LRBA: variants seen among roughly 807,000 people sequenced by gnomAD.
The protein encoded by LRBA is lipopolysaccharide-responsive and beige-like anchor protein.
Under a neutral mutation model 330.0 loss-of-function variants are expected in LRBA, and 176 were observed. The ratio of observed to expected loss-of-function variants is 0.53; its 90% CI spans 0.47 to 0.60. LRBA has a LOEUF of 0.60. Ranked by LOEUF, LRBA falls within the 20% of genes least tolerant of loss-of-function variation. The pLI, the probability that LRBA is intolerant of heterozygous loss-of-function variation, is 0.00. For synonymous variants in LRBA, 1,230 were observed against 1,193.0 expected, an observed-to-expected ratio of 1.03 and a Z score of -0.64; for missense variants, 3,259 against 3,444.8, an observed-to-expected ratio of 0.95 and a Z score of 1.35.
At chr4:151,008,513 C>T (rs1744395615) in intron 2 of LRBA, among the ~76,000 whole-genome samples, 1 of 151,780 alleles carries the variant, frequency 6.6e-6, no homozygotes, top group Non-Finnish European at 1.5e-5. Context: ...CTGTGGAACC[C>T]AGTGATATAA....
chr4:150,824,245 G>T (rs934181004), intron 30 of LRBA, among the ~76,000 whole-genome samples: 1 of 152,056 alleles, frequency 6.6e-6, no homozygotes, highest in Non-Finnish European at 1.5e-5. Flanking sequence ...ATATAGAAAT[G>T]ATACTAATTT....
At chr4:150,406,884 G>A (rs1425092647) in intron 47 of LRBA, among the ~76,000 whole-genome samples, 2 of 152,050 alleles carry the variant, frequency 1.3e-5, no homozygotes, top group African/African-American at 4.8e-5. Context: ...AGGTTCAAGC[G>A]ATCCTCCTGC....
intron 47 of LRBA, among the ~76,000 whole-genome samples, chr4:150,379,008 T>C (rs1388649839): frequency 6.6e-6 from 1 of 152,070 alleles, no homozygotes; most frequent in Non-Finnish European, 1.5e-5. Flanking sequence ...TACATTAAAA[T>C]AGCAGATCAG....
intron 44 of LRBA, among the ~76,000 whole-genome samples, chr4:150,462,301 G>T (rs1431253780): frequency 6.6e-6 from 1 of 151,482 alleles, no homozygotes; most frequent in Non-Finnish European, 1.5e-5. Flanking sequence ...AGCTTTGAAA[G>T]AATAAATTAA....
intron 35 of LRBA, among the ~76,000 whole-genome samples, chr4:150,760,825 C>G (rs1381390334): frequency 6.6e-6 from 1 of 152,132 alleles, no homozygotes; most frequent in Non-Finnish European, 1.5e-5. Context: ...TTGCAGGTTA[C>G]TAGTCTGTGA....
intron 48 of LRBA, among the ~76,000 whole-genome samples, chr4:150,328,247 T>C (rs919930271): frequency 6.6e-6 from 1 of 152,220 alleles, no homozygotes; most frequent in South Asian, 2.1e-4. Flanking sequence ...CAGTAAATTT[T>C]ACGTCAGACA....
chr4:150,846,746 T>A (rs937279895), intron 26 of LRBA, among the ~76,000 whole-genome samples: 1 of 152,112 alleles, frequency 6.6e-6, no homozygotes, highest in South Asian at 2.1e-4. Flanking sequence ...AAAAAAGATA[T>A]CACACATTTG....
chr4:150,713,799 G>C (rs962822242), intron 36 of LRBA, among the ~76,000 whole-genome samples: 1 of 152,156 alleles, frequency 6.6e-6, no homozygotes, highest in East Asian at 1.9e-4. Context: ...AATGCTAACA[G>C]TGAAATAGAG....
At chr4:150,511,539 A>G (rs142720036) in intron 40 of LRBA, among the ~76,000 whole-genome samples, 1 of 152,280 alleles carries the variant, frequency 6.6e-6, no homozygotes, top group African/African-American at 2.4e-5. Flanking sequence ...CCTAACTGCA[A>G]TGCAGCTTCT....
At chr4:150,338,644 A>C (rs1287372110) in intron 48 of LRBA, among the ~76,000 whole-genome samples, 1 of 152,200 alleles carries the variant, frequency 6.6e-6, no homozygotes, top group Admixed American at 6.5e-5. Flanking sequence ...TTACTCACAG[A>C]CAGCCACATG....
intron 2 of LRBA, among the ~76,000 whole-genome samples, chr4:150,966,578 G>A (rs775919832): frequency 1.2e-4 from 18 of 149,728 alleles, no homozygotes; most frequent in Non-Finnish European, 2.1e-4. Context: ...CGCCCGCTTC[G>A]GCCTCCCAGA....
At chr4:150,784,050 C>A (rs550281252) in intron 34 of LRBA, among the ~76,000 whole-genome samples, 34 of 152,260 alleles carry the variant, frequency 2.2e-4, no homozygotes, top group African/African-American at 7.2e-4. Context: ...GGACCAGAAT[C>A]TAATTCTTTT....
intron 40 of LRBA, among the ~76,000 whole-genome samples, chr4:150,575,606 C>G (rs538865761): frequency 3.0e-4 from 46 of 151,914 alleles, no homozygotes; most frequent in African/African-American, 1.0e-3. Flanking sequence ...TCTCATATGA[C>G]CTGAAAGAAA....
intron 40 of LRBA, among the ~76,000 whole-genome samples, chr4:150,546,812 G>A (rs527552702): frequency 8.5e-5 from 13 of 152,132 alleles, no homozygotes; most frequent in African/African-American, 3.1e-4. Flanking sequence ...GTAGAACAAA[G>A]CAATGTCCCT....
At chr4:150,830,806 A>G (rs1747063274) in intron 29 of LRBA, among the ~76,000 whole-genome samples, 1 of 131,050 alleles carries the variant, frequency 7.6e-6, no homozygotes, top group Non-Finnish European at 1.6e-5. Flanking sequence ...TCTGTCACCC[A>G]GGCTGGAGTT....
At position 150,427,751 on chromosome 4, in the gene LRBA, T is replaced by C. The variant is rs560810504; in HGVS notation, c.7041+7838A>G. 2.2e-3 allele frequency among the ~76,000 whole-genome samples: 338 copies of C among 152,094 alleles called. 1 individual carries two copies. The highest frequency in any genetic ancestry group is 4.4e-3 in the Non-Finnish European group (297 of 67,870). On this transcript the variant is annotated intron_variant, in intron 46 of 56. Transcript: ENST00000651943. Reference sequence around the variant, plus strand: ...ATGCAGATTTTTTTTACTAAGAAAATAAAATTACTAAATCATCGAAGTTTA... The same window carrying C: ...ATGCAGATTTTTTTTACTAAGAAAACAAAATTACTAAATCATCGAAGTTTA...
At chr4:150,323,892 G>A (rs1311965268) in intron 49 of LRBA, among the ~76,000 whole-genome samples, 1 of 152,166 alleles carries the variant, frequency 6.6e-6, no homozygotes, top group African/African-American at 2.4e-5. Flanking sequence ...GCCAAGGCTG[G>A]GGTACAAGTA....
intron 38 of LRBA, among the ~76,000 whole-genome samples, chr4:150,593,275 A>AAAT (rs1269124273): frequency 6.6e-6 from 1 of 152,220 alleles, no homozygotes; most frequent in African/African-American, 2.4e-5. Flanking sequence ...TTCAAAGCAG[A>AAAT]AATAATAATA....
intron 55 of LRBA, among the ~76,000 whole-genome samples, chr4:150,280,546 C>T (rs754498298): frequency 1.8e-4 from 28 of 152,348 alleles, no homozygotes; most frequent in Admixed American, 1.2e-3. Context: ...AGTTGATGGA[C>T]TGTGATATGC....
Sources: gnomAD v4.1 joint callset for allele counts (sites outside exome capture counted in the v4.1 genomes callset) on GRCh38, gnomAD v4.1.1 for gene constraint, MANE v1.5 for transcripts, NCBI Gene and HGNC (gene_info 2026-07-23, HGNC 2026-07-21) for gene names.